TUBGCP3: variants seen among roughly 807,000 people sequenced by gnomAD.
TUBGCP3 encodes the protein tubulin gamma complex component 3, also known as gamma-tubulin complex component 3.
TUBGCP3 carries 50 observed loss-of-function variants against 123.1 expected under a neutral mutation model. The ratio of observed to expected loss-of-function variants is 0.41; its 90% CI spans 0.32 to 0.51. TUBGCP3 has a LOEUF of 0.51. Among genes scored for constraint, TUBGCP3 ranks in the 20% least tolerant of loss-of-function variants. The pLI, the probability that TUBGCP3 is intolerant of heterozygous loss-of-function variation, is 0.36. For synonymous variants in TUBGCP3, 405 were observed against 413.9 expected, an observed-to-expected ratio of 0.98 and a Z score of 0.26; for missense variants, 882 against 1,127.0, an observed-to-expected ratio of 0.78 and a Z score of 3.11.
chr13:112,517,283 T>A (rs1876215685), intron 16 of TUBGCP3, among the ~76,000 whole-genome samples: 1 of 152,116 alleles, frequency 6.6e-6, no homozygotes, highest in Non-Finnish European at 1.5e-5. Context: ...TAAATAAATC[T>A]ATGATATAAA....
intron 8 of TUBGCP3, among the ~76,000 whole-genome samples, chr13:112,548,591 C>A (rs987975837): frequency 4.6e-5 from 7 of 152,160 alleles, no homozygotes. Context: ...ACCCTTCTGA[C>A]AAAGGGCTAA....
chr13:112,506,437 C>T (rs1009009577), intron 17 of TUBGCP3, among the ~76,000 whole-genome samples: 4 of 152,190 alleles, frequency 2.6e-5, no homozygotes, highest in Non-Finnish European at 5.9e-5. Flanking sequence ...TACATGGCTC[C>T]GCAGACAGTT....
chr13:112,578,317 T>C (rs2139312303), intron 1 of TUBGCP3, among the ~76,000 whole-genome samples: 2 of 151,512 alleles, frequency 1.3e-5, no homozygotes, highest in Non-Finnish European at 2.9e-5. Context: ...CCCAGCACTT[T>C]GGGAGGCCGA....
intron 16 of TUBGCP3, among the ~76,000 whole-genome samples, chr13:112,517,984 GA>G (rs1876293258): frequency 6.6e-6 from 1 of 152,120 alleles, no homozygotes; most frequent in Admixed American, 6.5e-5. Context: ...TAAGTCAAAA[GA>G]GAAAAAGCTA....
In TUBGCP3 at chr13:112,535,393, CTG is replaced by C. The variant is rs1347888316; in HGVS notation, c.1336-7911_1336-7910del. On this transcript the variant is annotated intron_variant, in intron 11 of 21. Transcript: ENST00000261965. ...TGCTTTCCAGAGGGGCTGCACCATTCTGTGTTTCTAACCAGCAACGATGCAGT... is the reference window on the plus strand; with the variant it reads ...TGCTTTCCAGAGGGGCTGCACCATTCTGTTTCTAACCAGCAACGATGCAGT... Among the ~76,000 whole-genome samples, 146 of 152,290 alleles carry C rather than the reference CTG, an allele frequency of 9.6e-4. 2 individuals are homozygous for C. The highest frequency in any genetic ancestry group is 9.6e-4 in the East Asian group (5 of 5,186).
intron 10 of TUBGCP3, chr13:112,546,556 G>A (rs1879007629): frequency 6.6e-6 from 1 of 152,444 alleles, no homozygotes. Context: ...CTGATTTTAA[G>A]AAGATGGCTC....
chr13:112,591,839 G>C (rs888854632), upstream of TUBGCP3, among the ~76,000 whole-genome samples: 2 of 152,162 alleles, frequency 1.3e-5, no homozygotes, highest in African/African-American at 4.8e-5. Flanking sequence ...ACTCAATATC[G>C]GGATGGCATA....
In TUBGCP3 at chr13:112,587,969, C is replaced by T. The variant is rs772996669; in HGVS notation, c.12G>A (p.Pro4=). The change falls in exon 1 of 22, where the codon CCG becomes CCA. Residue 4 remains proline (P), a synonymous_variant. Coordinates refer to ENST00000261965, the MANE Select transcript of TUBGCP3 (RefSeq NM_006322.6). ...GCAGAACGTTCGGCGACTTCTGGTCCGGGGTCGCCATCCTCGCCCGGAGCC... is the reference window on the plus strand; with the variant it reads ...GCAGAACGTTCGGCGACTTCTGGTCTGGGGTCGCCATCCTCGCCCGGAGCC... MAT[P]DQKSPNVLLQ... 1.9e-6 allele frequency: 3 copies of T among 1,587,740 alleles called. No individual in the cohort carries two copies. The highest frequency in any genetic ancestry group is 3.5e-5 in the Admixed American group (2 of 57,804).
At chr13:112,603,788 G>A in the TUBGCP3 span, 1 of 152,084 alleles carries the variant, frequency 6.6e-6, no homozygotes, top group Non-Finnish European at 1.5e-5. Context: ...TTTTTATCTC[G>A]GCTTATGGAA....
At position 112,485,956 on chromosome 13, in the gene TUBGCP3, G is replaced by A. The variant is rs751319210; in HGVS notation, c.*37C>T. ...GGAATTTCGTGTCTAGCAGTGCAACGAACATCACCCGCAGCTCCCTGGGAG... is the reference window on the plus strand; with the variant it reads ...GGAATTTCGTGTCTAGCAGTGCAACAAACATCACCCGCAGCTCCCTGGGAG... On this transcript the variant is annotated 3_prime_UTR_variant, in exon 22 of 22. Transcript: ENST00000261965. 1.5e-5 allele frequency: 22 copies of A among 1,427,684 alleles called. No individual in the cohort carries two copies. Among genetic ancestry groups the A allele is most frequent in the Non-Finnish European group, 2.0e-5 (21 of 1,057,286 alleles). 88.4% of individuals were successfully genotyped at this position (1,427,684 alleles called of 1,614,324 possible). A position where few individuals can be genotyped will look rare whatever the true frequency, so the allele number is the denominator to read the frequency against.
intron 1 of TUBGCP3, 86 bp downstream of exon 1, chr13:112,587,819 C>T (rs573874932): frequency 1.4e-5 from 18 of 1,246,340 alleles, no homozygotes; most frequent in East Asian, 5.9e-5. Context: ...CCTCGTTCCT[C>T]CAGCCCCGGA....
At chr13:112,505,738 T>C (rs76533535) in intron 17 of TUBGCP3, among the ~76,000 whole-genome samples, 42 of 152,304 alleles carry the variant, frequency 2.8e-4, no homozygotes, top group Non-Finnish European at 5.3e-4. Flanking sequence ...AAACAGACGA[T>C]CAACTTATAC....
chr13:112,547,562 TCGCGCG>T (rs769892475), intron 10 of TUBGCP3, 52 bp downstream of exon 10: 34 of 1,333,852 alleles, frequency 2.5e-5, no homozygotes, highest in Non-Finnish European at 3.2e-5. Context: ...CGTGGGAAAG[TCGCGCG>T]TGGGAAAGTC....
At chr13:112,497,655 C>T (rs1880612158) in intron 20 of TUBGCP3, among the ~76,000 whole-genome samples, 1 of 152,194 alleles carries the variant, frequency 6.6e-6, no homozygotes, top group Non-Finnish European at 1.5e-5. Flanking sequence ...GAGTGCCTTA[C>T]AGAAACCTCA....
chr13:112,502,334 G>A (rs1261216265), intron 19 of TUBGCP3, among the ~76,000 whole-genome samples: 1 of 152,190 alleles, frequency 6.6e-6, no homozygotes, highest in African/African-American at 2.4e-5. Flanking sequence ...GGCCGTGCTG[G>A]CCAACAGCAC....
intron 8 of TUBGCP3, among the ~76,000 whole-genome samples, chr13:112,551,149 C>T (rs9604356): frequency 0.12 from 18,900 of 152,122 alleles, 1,656 homozygotes; most frequent in African/African-American, 0.25. Context: ...AATCATTATC[C>T]AACGTGTAGA....
chr13:112,554,990 G>A lies in TUBGCP3; in HGVS notation c.737C>T (p.Thr246Ile), dbSNP rs1163951919. Residue 246 changes from threonine to isoleucine, a missense_variant, in exon 7 of 22, where the codon ACA becomes ATA. Physicochemically the swap from Thr to Ile is moderately conservative, Grantham distance 89 (BLOSUM62 -1). Coordinates refer to ENST00000261965, the MANE Select transcript of TUBGCP3 (RefSeq NM_006322.6). ...EGDTGGTMEITEAALVRDILY... is the reference protein window; with the variant it reads ...EGDTGGTMEIIEAALVRDILY... ...AATGTCCCTTACCAGAGCTGCTTCT[G>A]TAATTTCCATAGTACCTGCAAAATC... 1.9e-6 allele frequency: 3 copies of A among 1,602,496 alleles called. No homozygotes were observed. The highest frequency in any genetic ancestry group is 2.3e-5 in the South Asian group (2 of 88,070).
At chr13:112,559,754 AAT>A (rs748146667) in intron 3 of TUBGCP3, among the ~76,000 whole-genome samples, 3 of 152,250 alleles carry the variant, frequency 2.0e-5, no homozygotes, top group African/African-American at 2.4e-5. Context: ...CCATCATAAA[AAT>A]ATGTGAATTA....
Position 112,547,369 on chromosome 13 carries a change from C to A in TUBGCP3, c.1168+251G>T, listed in dbSNP as rs914296934. The A allele has an allele frequency of 3.9e-6, 2 of 508,880 alleles. 1 individual carries two copies. The highest frequency in any genetic ancestry group is 7.0e-5 in the East Asian group (2 of 28,720). 31.5% of individuals were successfully genotyped at this position (508,880 alleles called of 1,614,324 possible). ...ACTGGGCCACACTGGCAAGTGGTTA[C>A]GTCCCCTCTTGGCTCCCATCTGTCG... is the stretch of plus-strand genomic sequence containing the variant. On this transcript the variant is annotated intron_variant, in intron 10 of 21. Coordinates refer to ENST00000261965, the MANE Select transcript of TUBGCP3 (RefSeq NM_006322.6).
Sources: gnomAD v4.1 joint callset for allele counts (sites outside exome capture counted in the v4.1 genomes callset) on GRCh38, gnomAD v4.1.1 for gene constraint, MANE v1.5 for transcripts, NCBI Gene and HGNC (gene_info 2026-07-23, HGNC 2026-07-21) for gene names.